Variants in COG6 observed in about 807,000 individuals in gnomAD.
COG6 encodes conserved oligomeric Golgi complex subunit 6.
A neutral mutation model predicts 88.8 loss-of-function variants in COG6; 74 were observed. The ratio of observed to expected loss-of-function variants is 0.83; its 90% CI spans 0.69 to 1.01. The LOEUF (loss-of-function observed/expected upper bound fraction) is 1.01. Ranked by LOEUF, COG6 falls within the 50% of genes least tolerant of loss-of-function variation. The pLI, the probability that COG6 is intolerant of heterozygous loss-of-function variation, is 0.00. For missense variants in COG6, 800 were observed against 797.9 expected (o/e 1.00, Z -0.03); for synonymous variants, 286 against 278.7 (o/e 1.03, Z -0.26).
intron 18 of COG6, among the ~76,000 whole-genome samples, chr13:39,750,077 C>T (rs949730930): frequency 6.6e-6 from 1 of 152,104 alleles, no homozygotes; most frequent in African/African-American, 2.4e-5. Flanking sequence ...TAGGAAACTA[C>T]AAGAAAAGGA....
At chr13:39,658,798 A>T (rs1243133645) in intron 1 of COG6, among the ~76,000 whole-genome samples, 10 of 152,076 alleles carry the variant, frequency 6.6e-5, no homozygotes, top group Admixed American at 6.6e-4. Context: ...CTTCCCCTTT[A>T]AGTTTCTCCA....
chr13:39,721,397 T>C (rs1197324597), intron 15 of COG6, among the ~76,000 whole-genome samples: 1 of 152,158 alleles, frequency 6.6e-6, no homozygotes, highest in African/African-American at 2.4e-5. Flanking sequence ...CAGATCTTTA[T>C]TAGTCCTGGC....
chr13:39,735,372 A>C (rs1879681517), intron 18 of COG6, among the ~76,000 whole-genome samples: 2 of 152,006 alleles, frequency 1.3e-5, no homozygotes, highest in Admixed American at 1.3e-4. Context: ...CAAACAAGCC[A>C]AGAGAAAACT....
chr13:39,656,357 C>G (rs1874497393), intron 1 of COG6: 6 of 349,326 alleles, frequency 1.7e-5, no homozygotes, highest in Non-Finnish European at 2.3e-5. Context: ...ACAACAATTG[C>G]AATAATTTGC....
At chr13:39,722,654 C>T (rs558033132) in intron 15 of COG6, among the ~76,000 whole-genome samples, 1 of 151,376 alleles carries the variant, frequency 6.6e-6, no homozygotes, top group Non-Finnish European at 1.5e-5. Flanking sequence ...TTTTTCTCAC[C>T]AGGGAATGTT....
At chr13:39,704,728 A>G (rs1877786834) in intron 13 of COG6, among the ~76,000 whole-genome samples, 1 of 152,208 alleles carries the variant, frequency 6.6e-6, no homozygotes, top group Admixed American at 6.5e-5. Context: ...ATAGGATGAA[A>G]ATGAGGAAAG....
intron 18 of COG6, among the ~76,000 whole-genome samples, chr13:39,741,722 G>A (rs1880052907): frequency 6.6e-6 from 1 of 152,052 alleles, no homozygotes; most frequent in South Asian, 2.1e-4. Context: ...TAGCAAGGCA[G>A]GCCAACATTC....
intron 13 of COG6, among the ~76,000 whole-genome samples, chr13:39,717,662 T>A (rs1341335393): frequency 1.3e-5 from 2 of 151,768 alleles, no homozygotes; most frequent in Admixed American, 6.6e-5. Context: ...AGCCCAGGAG[T>A]TTGAGACCAG....
chr13:39,696,491 G>C (rs985766988), intron 12 of COG6, among the ~76,000 whole-genome samples: 1 of 151,802 alleles, frequency 6.6e-6, no homozygotes, highest in East Asian at 1.9e-4. Flanking sequence ...ATATGAAGGA[G>C]TTGGGCATGA....
chr13:39,702,438 A>G (rs1877634928), intron 13 of COG6, among the ~76,000 whole-genome samples: 1 of 152,072 alleles, frequency 6.6e-6, no homozygotes, highest in Non-Finnish European at 1.5e-5. Context: ...GGTTTATTAC[A>G]TGAATATAAG....
chr13:39,684,315 C>G (rs112913738), intron 8 of COG6, among the ~76,000 whole-genome samples: 1 of 120,714 alleles, frequency 8.3e-6, no homozygotes, highest in Non-Finnish European at 1.6e-5. Context: ...GTGACGCAAT[C>G]TCGGCTCACT....
chr13:39,752,168 G>A lies in COG6; in HGVS notation c.*1075G>A. ...TCAGCAAAAAAAAACTTAATTTCTA[G>A]TAAATCTATAAAAATGGGTAAGTCC... On this transcript the variant is annotated 3_prime_UTR_variant, in exon 19 of 19. Transcript: ENST00000455146. 8.5e-7 allele frequency: 1 copy of A among 1,179,160 alleles called. No individual in the cohort carries two copies. Among genetic ancestry groups the A allele is most frequent in the Non-Finnish European group, 1.1e-6 (1 of 917,724 alleles). 73.0% of individuals were successfully genotyped at this position (1,179,160 alleles called of 1,614,324 possible). A position where few individuals can be genotyped will look rare whatever the true frequency, so the allele number is the denominator to read the frequency against.
At chr13:39,763,640 A>G (rs968035712) in intron 18 of COG6, among the ~76,000 whole-genome samples, 2 of 151,822 alleles carry the variant, frequency 1.3e-5, no homozygotes, top group Non-Finnish European at 3.0e-5. Flanking sequence ...ACTGTTGGGA[A>G]TGTGGTTGGG....
At chr13:39,692,641 C>G (rs893060812) in intron 11 of COG6, among the ~76,000 whole-genome samples, 4 of 151,996 alleles carry the variant, frequency 2.6e-5, no homozygotes, top group African/African-American at 9.7e-5. Context: ...CAAACCCACT[C>G]TCTTTCTCTT....
chr13:39,724,547 C>T lies in COG6; in HGVS notation c.1732C>T (p.Leu578=), dbSNP rs1879030752. The T allele has an allele frequency of 6.4e-7, 1 of 1,566,278 alleles. No individual in the cohort carries two copies. Among genetic ancestry groups the T allele is most frequent in the African/African-American group, 1.4e-5 (1 of 72,270 alleles). Residue 578 remains leucine, a synonymous_variant, in exon 17 of 19, where the codon CTG becomes TTG. Transcript: ENST00000455146. ...TATGCCCAACCTAGATTCTGTGACA[C>T]TGAAGGCTGCAATGGTAAGTGTATA... The part of the protein sequence containing the change: ...ANMPNLDSVT[L]KAAMVQFDRY...
At chr13:39,721,992 T>C (rs974078800) in intron 15 of COG6, among the ~76,000 whole-genome samples, 1 of 152,090 alleles carries the variant, frequency 6.6e-6, no homozygotes, top group African/African-American at 2.4e-5. Flanking sequence ...TTTCTTTTGC[T>C]TAGTAAAGAG....
chr13:39,776,599 C>G (rs1881470592), intron 18 of COG6, among the ~76,000 whole-genome samples: 1 of 152,168 alleles, frequency 6.6e-6, no homozygotes, highest in Non-Finnish European at 1.5e-5. Context: ...AACAAATGTT[C>G]TGCAGCCCTG....
Position 39,723,417 on chromosome 13 carries a change from G to A in COG6, c.1669G>A (p.Val557Ile). 6.2e-7 allele frequency: 1 copy of A among 1,603,248 alleles called. No individual in the cohort carries two copies. Among genetic ancestry groups the A allele is most frequent in the Non-Finnish European group, 8.5e-7 (1 of 1,170,540 alleles). Residue 557 changes from valine (V) to isoleucine (I), a missense_variant, in exon 16 of 19, where the codon GTA becomes ATA. Transcript: ENST00000455146. ...RVGLSYIYNT[V>I]QQHKPEQGSL... The stretch of plus-strand genomic sequence containing the variant: ...AGGCTTGAGTTACATCTATAACACT[G>A]TACAGCAACATAAACCTGAACAGGT...
intron 7 of COG6, among the ~76,000 whole-genome samples, chr13:39,680,543 C>CA (rs1876249357): frequency 6.6e-6 from 1 of 152,230 alleles, no homozygotes; most frequent in African/African-American, 2.4e-5. Context: ...GTGGTTCTCA[C>CA]TATGCTAAAA....
Sources: gnomAD v4.1 joint callset for allele counts (sites outside exome capture counted in the v4.1 genomes callset) on GRCh38, gnomAD v4.1.1 for gene constraint, MANE v1.5 for transcripts, NCBI Gene and HGNC (gene_info 2026-07-23, HGNC 2026-07-21) for gene names.